The following SNIP1 variants were observed in gnomAD, a reference collection of about 807,000 sequenced individuals.
SNIP1 encodes the protein smad nuclear-interacting protein 1.
Under a neutral mutation model 37.4 loss-of-function variants are expected in SNIP1, and 23 were observed. The ratio of observed to expected loss-of-function variants is 0.61; its 90% CI spans 0.44 to 0.87. The LOEUF (loss-of-function observed/expected upper bound fraction) is 0.87, where lower values mean the gene tolerates loss of function less well. Among genes scored for constraint, SNIP1 ranks in the 40% least tolerant of loss-of-function variants. SNIP1 has a pLI of 0.00. For synonymous variants in SNIP1, 174 were observed against 200.0 expected (o/e 0.87, Z 1.10); for missense variants, 459 against 540.4 (o/e 0.85, Z 1.49).
intron 2 of SNIP1, chr1:37,544,776 G>A (rs942663090): frequency 3.5e-5 from 25 of 724,404 alleles, no homozygotes; most frequent in Non-Finnish European, 5.1e-5. Flanking sequence ...ACGACTGCGC[G>A]TCCCCCTCGC....
chr1:37,549,609 A>G (rs930177411), intron 2 of SNIP1, among the ~76,000 whole-genome samples: 2 of 152,080 alleles, frequency 1.3e-5, no homozygotes, highest in African/African-American at 4.8e-5. Flanking sequence ...GATGGGTTTC[A>G]CCATGTTGCC....
Position 37,537,529 on chromosome 1 carries a change from C to T in SNIP1, c.*219G>A, listed in dbSNP as rs1279647591. ...AGACTGTTCTGAAAACAAATGCCTG[C>T]AGGCATGTGGCCAAGGTGCCACAGA... On this transcript the variant is annotated 3_prime_UTR_variant, in exon 4 of 4. Transcript: ENST00000296215. The T allele has an allele frequency of 5.7e-6, 3 of 522,252 alleles. No homozygotes were observed. The highest frequency in any genetic ancestry group is 6.0e-5 in the South Asian group (2 of 33,534). 32.4% of individuals were successfully genotyped at this position (522,252 alleles called of 1,614,324 possible).
At chr1:37,543,906 CA>C (rs1005948096) in intron 2 of SNIP1, among the ~76,000 whole-genome samples, 44 of 146,678 alleles carry the variant, frequency 3.0e-4, no homozygotes, top group Non-Finnish European at 4.8e-4. Flanking sequence ...TTTGGGAGGG[CA>C]AGGGGGGGGG....
chr1:37,545,705 C>A (rs1217188857), intron 2 of SNIP1, among the ~76,000 whole-genome samples: 1 of 151,990 alleles, frequency 6.6e-6, no homozygotes, highest in Non-Finnish European at 1.5e-5. Context: ...CACCTGTAAT[C>A]CCAGCACTTT....
At position 37,540,521 on chromosome 1, in the gene SNIP1, C is replaced by T. The variant is rs757748265; in HGVS notation, c.562G>A (p.Glu188Lys). The change falls in exon 3 of 4, where the codon GAG (glutamate) becomes AAG (lysine). Residue 188 changes from glutamate (E) to lysine (K), a missense_variant. Transcript: ENST00000296215. This position sits in a 1 kb window ranked among gnomAD's most constrained non-coding sequence, Gnocchi z 5.6. ...CCAACGTCATTCCTCTGGCGATGCT[C>T]CCGTCGCCTGGCATTATAAAACTCC... ...EREFYNARRR[E>K]HRQRNDVGGG... 9.3e-6 allele frequency: 15 copies of T among 1,614,020 alleles called. No individual in the cohort carries two copies. The Admixed American group carries it at 2.3e-4, about 25-fold the overall frequency.
chr1:37,544,112 G>A (rs1424416807), intron 2 of SNIP1, among the ~76,000 whole-genome samples: 1 of 149,310 alleles, frequency 6.7e-6, no homozygotes, highest in Non-Finnish European at 1.5e-5. Flanking sequence ...CCACTGCATT[G>A]TAGCCTGAAC....
At chr1:37,549,259 T>C (rs1170453558) in intron 2 of SNIP1, among the ~76,000 whole-genome samples, 1 of 152,204 alleles carries the variant, frequency 6.6e-6, no homozygotes, top group Non-Finnish European at 1.5e-5. Flanking sequence ...ATAGGATTTA[T>C]AAGCTGAAAA....
intron 2 of SNIP1, chr1:37,545,135 A>AT (rs1643217936): frequency 1.4e-6 from 1 of 735,592 alleles, no homozygotes; most frequent in Non-Finnish European, 2.5e-6. Context: ...AATTACCCCC[A>AT]TTTGTGTGAC....
In SNIP1 at chr1:37,552,639, A is replaced by G. The variant is rs781622787; in HGVS notation, c.327+6T>C. On this transcript the variant is annotated splice_donor_region_variant and intron_variant, in intron 2 of 3. Transcript: ENST00000296215. The stretch of plus-strand genomic sequence containing the variant: ...TGGACCCATCAAAACACCCCAATCC[A>G]CTTACCTGCTTCACTTTGACTGTTG... The G allele has an allele frequency of 5.6e-6, 9 of 1,612,858 alleles. No individual in the cohort carries two copies. The Admixed American group carries it at 6.7e-5, about 12-fold the overall frequency.
At chr1:37,552,388 T>C in intron 2 of SNIP1, 1 of 442,430 alleles carries the variant, frequency 2.3e-6, no homozygotes. Context: ...CCAGGAAGAG[T>C]ATATCTCCCT....
intron 3 of SNIP1, among the ~76,000 whole-genome samples, chr1:37,539,001 A>G (rs1643134310): frequency 6.6e-6 from 1 of 152,172 alleles, no homozygotes; most frequent in Non-Finnish European, 1.5e-5. Context: ...AACTGTGCAC[A>G]GGTGGGATCT....
At chr1:37,541,476 A>G in intron 2 of SNIP1, 1 of 152,242 alleles carries the variant, frequency 6.6e-6, no homozygotes, top group East Asian at 1.9e-4. Context: ...CAGCCTGACC[A>G]ACATGATGAA....
intron 2 of SNIP1, among the ~76,000 whole-genome samples, chr1:37,544,519 A>T (rs951508971): frequency 2.6e-5 from 4 of 152,032 alleles, no homozygotes; most frequent in African/African-American, 9.7e-5. Context: ...TCATTCATGT[A>T]CAAAAATGTT....
intron 2 of SNIP1, chr1:37,544,784 C>T (rs901215393): frequency 2.3e-5 from 17 of 733,836 alleles, no homozygotes; most frequent in African/African-American, 1.5e-4. Context: ...GCGTCCCCCT[C>T]GCAGGTGCGC....
intron 2 of SNIP1, among the ~76,000 whole-genome samples, chr1:37,543,819 A>G (rs1464970449): frequency 6.6e-6 from 1 of 152,072 alleles, no homozygotes; most frequent in Non-Finnish European, 1.5e-5. Flanking sequence ...AAATGGAAAC[A>G]AGCCACTGAG....
intron 2 of SNIP1, among the ~76,000 whole-genome samples, chr1:37,551,614 T>C (rs1374047144): frequency 6.6e-6 from 1 of 152,144 alleles, no homozygotes; most frequent in Non-Finnish European, 1.5e-5. Flanking sequence ...GAAAGATCAT[T>C]TGAGGATATA....
chr1:37,538,766 T>G (rs947993881), intron 3 of SNIP1, among the ~76,000 whole-genome samples: 1 of 152,108 alleles, frequency 6.6e-6, no homozygotes, highest in Non-Finnish European at 1.5e-5. Flanking sequence ...AGTTCTACTA[T>G]GGCAGGGGTC....
At chr1:37,544,260 G>A (rs1310491161) in intron 2 of SNIP1, among the ~76,000 whole-genome samples, 1 of 151,614 alleles carries the variant, frequency 6.6e-6, no homozygotes, top group African/African-American at 2.4e-5. Context: ...GCCTGGCCAA[G>A]ATGGTGAAAC....
At chr1:37,551,515 T>G (rs1454156009) in intron 2 of SNIP1, among the ~76,000 whole-genome samples, 1 of 152,164 alleles carries the variant, frequency 6.6e-6, no homozygotes, top group African/African-American at 2.4e-5. Flanking sequence ...TAATAACTTT[T>G]TGGAGATGAG....
Sources: allele counts gnomAD v4.1 joint callset (sites outside exome capture counted in the v4.1 genomes callset), GRCh38; gene constraint gnomAD v4.1.1; non-coding constraint Gnocchi (gnomAD v3.1); transcripts MANE v1.5; gene names NCBI Gene and HGNC (gene_info 2026-07-23, HGNC 2026-07-21).